The following CSMD3 variants were observed in gnomAD, a reference collection of about 807,000 sequenced individuals.
The protein encoded by CSMD3 is CUB and Sushi multiple domains 3, also known as CUB and sushi domain-containing protein 3.
In CSMD3, 177 loss-of-function variants were observed where a neutral mutation model predicts 435.2. The ratio of observed to expected loss-of-function variants is 0.41; its 90% CI spans 0.36 to 0.46. The LOEUF is 0.46. CSMD3 is among the 20% of genes least tolerant of loss of function. CSMD3 has a pLI of 0.34. For synonymous variants in CSMD3, 1,656 were observed against 1,520.5 expected, an observed-to-expected ratio of 1.09 and a Z score of -2.07; for missense variants, 4,265 against 4,504.6, an observed-to-expected ratio of 0.95 and a Z score of 1.52.
intron 13 of CSMD3, among the ~76,000 whole-genome samples, chr8:112,716,098 T>C (rs920527014): frequency 6.6e-6 from 1 of 152,076 alleles, no homozygotes; most frequent in African/African-American, 2.4e-5. Flanking sequence ...GAGAAAGAAA[T>C]AAAGGGTATT....
intron 24 of CSMD3, among the ~76,000 whole-genome samples, chr8:112,563,972 A>G (rs576635248): frequency 1.5e-4 from 23 of 152,188 alleles, no homozygotes; most frequent in African/African-American, 3.9e-4. Flanking sequence ...AAACTAAAAA[A>G]GAATTGAGGA....
chr8:112,376,193 C>T (rs1245483377), intron 38 of CSMD3, among the ~76,000 whole-genome samples: 1 of 152,114 alleles, frequency 6.6e-6, no homozygotes, highest in Non-Finnish European at 1.5e-5. Context: ...ATTCAAAGCA[C>T]TGTAATATTG....
At chr8:112,395,586 T>TGATCAGATAAGCAG (rs369623482) in intron 35 of CSMD3, among the ~76,000 whole-genome samples, 47 of 152,260 alleles carry the variant, frequency 3.1e-4, no homozygotes, top group African/African-American at 1.1e-3. Context: ...CAGATAAGCA[T>TGATCAGATAAGCAG]GATCAGATAA....
At chr8:112,553,782 G>T (rs1218628921) in intron 25 of CSMD3, among the ~76,000 whole-genome samples, 1 of 151,974 alleles carries the variant, frequency 6.6e-6, no homozygotes, top group Non-Finnish European at 1.5e-5. Flanking sequence ...GAAGAGACCT[G>T]ATAACACTAG....
At chr8:112,386,528 C>T (rs1025443108) in intron 36 of CSMD3, among the ~76,000 whole-genome samples, 3 of 151,922 alleles carry the variant, frequency 2.0e-5, no homozygotes, top group African/African-American at 2.4e-5. Flanking sequence ...GACAGAGTCT[C>T]GCTCTGTCGC....
At chr8:112,228,008 C>G (rs1410053677) in intron 70 of CSMD3, among the ~76,000 whole-genome samples, 1 of 152,116 alleles carries the variant, frequency 6.6e-6, no homozygotes, top group Non-Finnish European at 1.5e-5. Flanking sequence ...TGCCACTGCA[C>G]TCCATCCTGA....
At chr8:112,527,459 G>T (rs1045981332) in intron 27 of CSMD3, among the ~76,000 whole-genome samples, 1 of 151,796 alleles carries the variant, frequency 6.6e-6, no homozygotes, top group Non-Finnish European at 1.5e-5. Context: ...GAGATAAAAA[G>T]AATAAATAGA....
chr8:113,407,541 GATAC>G (rs2094537986), intron 1 of CSMD3, among the ~76,000 whole-genome samples: 1 of 151,912 alleles, frequency 6.6e-6, no homozygotes. Flanking sequence ...TAATATTGGA[GATAC>G]ATACATACAC....
intron 3 of CSMD3, among the ~76,000 whole-genome samples, chr8:113,192,518 T>A (rs947585322): frequency 2.6e-5 from 4 of 151,764 alleles, no homozygotes; most frequent in Non-Finnish European, 5.9e-5. Flanking sequence ...ATGCCTATTA[T>A]TTGAACACTT....
In CSMD3 at chr8:112,255,370, A is replaced by G. The variant is rs200454738; in HGVS notation, c.9920T>C (p.Phe3307Ser). 5.1e-5 allele frequency: 83 copies of G among 1,613,644 alleles called. No individual in the cohort carries two copies. The highest frequency in any genetic ancestry group is 6.7e-5 in the Non-Finnish European group (79 of 1,179,802). Residue 3307 changes from phenylalanine to serine, a missense_variant, in exon 62 of 71, where the codon TTT (phenylalanine) becomes TCT (serine). By Grantham distance (155) the Phe-to-Ser change is radical. Coordinates refer to ENST00000297405, the MANE Select transcript of CSMD3 (RefSeq NM_198123.2). ...GAATGAAACCTCTGACTGGTATATA[A>G]AGCTTTTGCCTTCTCTTTTTCCTTG... The part of the protein sequence containing the change: ...PAQGKREGKS[F>S]IYQSEVSFSC...
At chr8:113,228,102 T>C (rs2093047998) in intron 3 of CSMD3, among the ~76,000 whole-genome samples, 1 of 151,598 alleles carries the variant, frequency 6.6e-6, no homozygotes, top group Non-Finnish European at 1.5e-5. Flanking sequence ...GTTGTTAACA[T>C]AATAATATAA....
intron 60 of CSMD3, among the ~76,000 whole-genome samples, chr8:112,264,988 G>C (rs1816799301): frequency 6.6e-6 from 1 of 151,846 alleles, no homozygotes; most frequent in Admixed American, 6.6e-5. Context: ...AAAAATTACG[G>C]TTCTATAATT....
At chr8:112,349,910 C>A (rs2131045750) in intron 40 of CSMD3, among the ~76,000 whole-genome samples, 1 of 152,154 alleles carries the variant, frequency 6.6e-6, no homozygotes, top group African/African-American at 2.4e-5. Context: ...GTCCTAACCC[C>A]TAATGTGACT....
At chr8:113,148,152 T>C (rs970416793) in intron 4 of CSMD3, among the ~76,000 whole-genome samples, 16 of 151,694 alleles carry the variant, frequency 1.1e-4, no homozygotes, top group African/African-American at 3.9e-4. Context: ...ATCCATATCT[T>C]CCATTCCACA....
At chr8:112,618,476 T>C (rs1256373327) in intron 22 of CSMD3, among the ~76,000 whole-genome samples, 1 of 152,090 alleles carries the variant, frequency 6.6e-6, no homozygotes, top group Non-Finnish European at 1.5e-5. Context: ...TTTATCTTCA[T>C]TGTATGCCTT....
At chr8:112,839,263 A>G (rs1230257048) in intron 11 of CSMD3, among the ~76,000 whole-genome samples, 3 of 151,698 alleles carry the variant, frequency 2.0e-5, no homozygotes, top group South Asian at 2.1e-4. Flanking sequence ...TTATTTTTCT[A>G]TGCCTTTAAT....
At chr8:113,368,112 AT>A (rs1210262592) in intron 1 of CSMD3, among the ~76,000 whole-genome samples, 1 of 152,014 alleles carries the variant, frequency 6.6e-6, no homozygotes, top group East Asian at 1.9e-4. Context: ...CCAAATGAAA[AT>A]TTTCTTTTCT....
At chr8:112,355,231 T>C (rs1242639519) in intron 38 of CSMD3, among the ~76,000 whole-genome samples, 1 of 152,190 alleles carries the variant, frequency 6.6e-6, no homozygotes, top group African/African-American at 2.4e-5. Flanking sequence ...ATGTAAGACA[T>C]CAAATTTCAG....
At chr8:113,208,384 A>C (rs941816116) in intron 3 of CSMD3, among the ~76,000 whole-genome samples, 2 of 152,154 alleles carry the variant, frequency 1.3e-5, no homozygotes, top group African/African-American at 4.8e-5. Context: ...CCTCTTCCAT[A>C]CAATATGGAC....
Sources: allele counts gnomAD v4.1 joint callset (sites outside exome capture counted in the v4.1 genomes callset), GRCh38; gene constraint gnomAD v4.1.1; transcripts MANE v1.5; gene names NCBI Gene and HGNC (gene_info 2026-07-23, HGNC 2026-07-21).